The following MYO9A variants were observed in gnomAD, a reference collection of about 807,000 sequenced individuals.
MYO9A encodes the protein unconventional myosin-IXa.
In MYO9A, 103 loss-of-function variants were observed where a neutral mutation model predicts 293.3. The ratio of observed to expected loss-of-function variants is 0.35; its 90% confidence interval spans 0.30 to 0.41. MYO9A has a LOEUF of 0.41. Ranked by LOEUF, MYO9A falls within the 10% of genes least tolerant of loss-of-function variation. The pLI is 1.00. For synonymous variants in MYO9A, 1,001 were observed against 1,035.7 expected (o/e 0.97, Z 0.64); for missense variants, 2,685 against 3,033.0 (o/e 0.89, Z 2.69).
chr15:71,947,400 C>T (rs567684872), intron 15 of MYO9A, among the ~76,000 whole-genome samples: 110 of 151,820 alleles, frequency 7.2e-4, no homozygotes, highest in Non-Finnish European at 1.3e-3. Flanking sequence ...TTTTACCTTA[C>T]TTTTCTAATT....
intron 1 of MYO9A, among the ~76,000 whole-genome samples, chr15:72,111,051 C>G (rs866378219): frequency 4.0e-5 from 6 of 151,486 alleles, no homozygotes; most frequent in South Asian, 2.1e-4. Context: ...CCCAGCTACT[C>G]GGGAGGCTGA....
chr15:72,041,140 G>A (rs775091819), intron 2 of MYO9A: 25 of 716,310 alleles, frequency 3.5e-5, no homozygotes, highest in Middle Eastern at 4.3e-4. Flanking sequence ...ACCTATTTGG[G>A]AGGCTGAGGT....
chr15:71,906,762 T>C (rs68125427), intron 19 of MYO9A, among the ~76,000 whole-genome samples: 136 of 17,088 alleles, frequency 8.0e-3, no homozygotes, highest in Non-Finnish European at 0.012. Context: ...TTCTTTCTTT[T>C]TTTTTTTTTT....
chr15:71,891,035 A>G (rs911218288), intron 26 of MYO9A: 1 of 152,218 alleles, frequency 6.6e-6, no homozygotes, highest in Non-Finnish European at 1.5e-5. Context: ...AAATAAAAAG[A>G]GAAACACATT....
At chr15:71,928,251 G>C (rs2058381189) in intron 18 of MYO9A, among the ~76,000 whole-genome samples, 1 of 146,738 alleles carries the variant, frequency 6.8e-6, no homozygotes, top group African/African-American at 2.5e-5. Flanking sequence ...CTAATTTTTT[G>C]TATTTTTAGT....
intron 1 of MYO9A, among the ~76,000 whole-genome samples, chr15:72,103,277 AAGCAGCAGCAAGC>A (rs1482861258): frequency 7.4e-5 from 11 of 148,358 alleles, no homozygotes; most frequent in African/African-American, 2.0e-4. Flanking sequence ...GCAGCAGCAG[AAGCAGCAGCAAGC>A]AGCAGCAGCA....
chr15:71,923,523 A>T (rs573425961), intron 18 of MYO9A, among the ~76,000 whole-genome samples: 35 of 152,300 alleles, frequency 2.3e-4, no homozygotes, highest in African/African-American at 8.2e-4. Flanking sequence ...ACTTTTTATT[A>T]CTGATTTGAA....
intron 1 of MYO9A, among the ~76,000 whole-genome samples, chr15:72,077,919 T>G (rs2079421183): frequency 6.6e-6 from 1 of 151,614 alleles, no homozygotes; most frequent in South Asian, 2.1e-4. Flanking sequence ...AATAACTAAA[T>G]GAAGATACTC....
chr15:72,008,683 C>T lies in MYO9A; in HGVS notation c.1254-731G>A, dbSNP rs575901455. On this transcript the variant is annotated intron_variant, in intron 7 of 41. Coordinates refer to ENST00000356056, the MANE Select transcript of MYO9A (RefSeq NM_006901.4). ...CCATCAACTCCTGTTAATTCAGGAA[C>T]CTTAGGTTACCAAGTACCTCCATGT... Among the ~76,000 whole-genome samples the T allele has an allele frequency of 2.0e-3, 305 of 152,184 alleles. 3 individuals carry two copies. Among genetic ancestry groups the T allele is most frequent in the African/African-American group, 6.7e-3 (280 of 41,532 alleles).
chr15:72,054,363 G>A (rs1020523654), intron 1 of MYO9A, among the ~76,000 whole-genome samples: 1 of 152,160 alleles, frequency 6.6e-6, no homozygotes, highest in African/African-American at 2.4e-5. Flanking sequence ...GATGTTGATC[G>A]AATCTGCTAC....
intron 17 of MYO9A, among the ~76,000 whole-genome samples, chr15:71,934,467 T>G (rs2058569908): frequency 6.6e-6 from 1 of 152,162 alleles, no homozygotes; most frequent in Non-Finnish European, 1.5e-5. Flanking sequence ...AAATAGAACC[T>G]ACTAATATTA....
intron 25 of MYO9A, 107 bp downstream of exon 25, chr15:71,897,354 C>A: frequency 1.6e-6 from 2 of 1,221,404 alleles, no homozygotes; most frequent in Non-Finnish European, 2.3e-6. Flanking sequence ...GAGAAAATGG[C>A]CAAGTTGAGC....
At position 72,046,465 on chromosome 15, in the gene MYO9A, C is replaced by T. The variant is rs759891780; in HGVS notation, c.99G>A (p.Pro33=). 22 of 1,614,022 alleles carry T rather than the reference C, an allele frequency of 1.4e-5. No individual in the cohort carries two copies. The highest frequency in any genetic ancestry group is 6.7e-5 in the Admixed American group (4 of 59,994). The change falls in exon 2 of 42, where the codon CCG becomes CCA. Residue 33 remains proline (P), a synonymous_variant. Transcript: ENST00000356056. ...GAISEGTIYC[P]IPARKNSTAA... is the part of the protein sequence containing the mutation. ...CTGTGGAGTTTTTTCTGGCAGGAAT[C>T]GGACAGTAGATTGTCCCTTCTGAAA...
intron 1 of MYO9A, among the ~76,000 whole-genome samples, chr15:72,070,516 T>C (rs528957231): frequency 1.3e-5 from 2 of 151,288 alleles, no homozygotes; most frequent in East Asian, 1.9e-4. Context: ...TTATGAGCTC[T>C]ACAAATATCT....
chr15:71,875,957 T>C (rs1184012968), intron 31 of MYO9A, 119 bp from the exon 32 acceptor site: 6 of 507,488 alleles, frequency 1.2e-5, no homozygotes, highest in Non-Finnish European at 1.6e-5. Context: ...ATTTCTTTAT[T>C]CTCCAAGAGG....
At chr15:71,944,151 T>C (rs1288338801) in intron 15 of MYO9A, among the ~76,000 whole-genome samples, 1 of 152,120 alleles carries the variant, frequency 6.6e-6, no homozygotes, top group East Asian at 1.9e-4. Flanking sequence ...TCTTCTTTTG[T>C]GGAAGTGTAT....
chr15:72,055,199 C>T (rs1407936365), intron 1 of MYO9A, among the ~76,000 whole-genome samples: 1 of 152,170 alleles, frequency 6.6e-6, no homozygotes, highest in Non-Finnish European at 1.5e-5. Flanking sequence ...GGTGGGAGGA[C>T]TGCTTGAGCA....
At chr15:72,015,046 A>ACTATGTTGGCCAGG (rs1596382815) in intron 6 of MYO9A, among the ~76,000 whole-genome samples, 1 of 143,770 alleles carries the variant, frequency 7.0e-6, no homozygotes, top group African/African-American at 2.6e-5. Flanking sequence ...ACAGGGTTTC[A>ACTATGTTGGCCAGG]CTATGTTGGC....
chr15:72,002,332 C>T (rs1463757342), intron 8 of MYO9A, among the ~76,000 whole-genome samples: 1 of 151,700 alleles, frequency 6.6e-6, no homozygotes, highest in African/African-American at 2.4e-5. Context: ...ACCGCAACCT[C>T]CGCCTCCCAG....
Sources: allele counts gnomAD v4.1 joint callset (sites outside exome capture counted in the v4.1 genomes callset), GRCh38; gene constraint gnomAD v4.1.1; transcripts MANE v1.5; gene names NCBI Gene and HGNC (gene_info 2026-07-23, HGNC 2026-07-21).